The following CSMD1 variants were observed in gnomAD, a reference collection of about 807,000 sequenced individuals.
CSMD1 encodes CUB and sushi domain-containing protein 1.
A neutral mutation model predicts 417.5 loss-of-function variants in CSMD1; 213 were observed. The observed-to-expected ratio is 0.51, with a 90% CI of 0.46 to 0.57. The LOEUF (loss-of-function observed/expected upper bound fraction) is 0.57, where lower values mean the gene tolerates loss of function less well. CSMD1 is among the 20% of genes least tolerant of loss of function. CSMD1 has a pLI of 0.00. For missense variants in CSMD1, 6,923 were observed against 4,529.7 expected, an observed-to-expected ratio of 1.53 and a Z score of -15.17; for synonymous variants, 2,862 against 1,736.8, an observed-to-expected ratio of 1.65 and a Z score of -16.11.
intron 3 of CSMD1, among the ~76,000 whole-genome samples, chr8:4,049,284 T>C (rs573973035): frequency 2.6e-5 from 4 of 152,114 alleles, no homozygotes; most frequent in East Asian, 1.9e-4. Context: ...GCTGTGGAGA[T>C]TGTCTGGCTG....
intron 25 of CSMD1, among the ~76,000 whole-genome samples, chr8:3,288,612 G>C (rs1236928163): frequency 6.8e-6 from 1 of 146,976 alleles, no homozygotes; most frequent in African/African-American, 2.7e-5. Flanking sequence ...ATTCTCTGAT[G>C]GTAGTTTGTA....
intron 5 of CSMD1, among the ~76,000 whole-genome samples, chr8:3,767,879 T>C (rs77725668): frequency 0.019 from 2,885 of 152,302 alleles, 29 homozygotes; most frequent in African/African-American, 0.034. Flanking sequence ...TTTATTTATA[T>C]ATCATGGTAA....
chr8:4,978,122 A>G (rs1416907008), intron 1 of CSMD1, among the ~76,000 whole-genome samples: 3 of 152,154 alleles, frequency 2.0e-5, no homozygotes, highest in African/African-American at 7.2e-5. Flanking sequence ...GCCTATTCCA[A>G]AGGTCTCAGT....
chr8:3,883,383 A>G (rs1806335354), intron 5 of CSMD1, among the ~76,000 whole-genome samples: 1 of 152,076 alleles, frequency 6.6e-6, no homozygotes, highest in African/African-American at 2.4e-5. Flanking sequence ...TCGATTTCTC[A>G]TAGTTTTAAA....
intron 1 of CSMD1, among the ~76,000 whole-genome samples, chr8:4,641,894 A>G (rs780044799): frequency 2.0e-5 from 3 of 152,244 alleles, no homozygotes; most frequent in Non-Finnish European, 2.9e-5. Context: ...AAACATAAAC[A>G]TCACTCATAG....
At chr8:4,143,854 C>T (rs1309385551) in intron 3 of CSMD1, among the ~76,000 whole-genome samples, 2 of 151,006 alleles carry the variant, frequency 1.3e-5, no homozygotes, top group African/African-American at 5.0e-5. Context: ...ATTTTGAGGT[C>T]CCTCTCAGTT....
intron 1 of CSMD1, among the ~76,000 whole-genome samples, chr8:4,722,095 G>C (rs957978028): frequency 6.6e-6 from 1 of 152,004 alleles, no homozygotes; most frequent in African/African-American, 2.4e-5. Flanking sequence ...CTAATATATA[G>C]CATGAAAACT....
chr8:3,279,891 T>A (rs1046929726), intron 26 of CSMD1, among the ~76,000 whole-genome samples: 1 of 152,156 alleles, frequency 6.6e-6, no homozygotes, highest in African/African-American at 2.4e-5. Context: ...CTCCACCTGG[T>A]CCCACCCTTG....
At chr8:3,471,401 C>T (rs546620502) in intron 11 of CSMD1, among the ~76,000 whole-genome samples, 1 of 152,260 alleles carries the variant, frequency 6.6e-6, no homozygotes, top group Admixed American at 6.5e-5. Context: ...AATTTTGGTT[C>T]CACATGCAAT....
rs982710318 is a variant in CSMD1, at chr8:3,406,280, T to A, written c.2072-59A>T. 28 of 1,381,290 alleles carry A rather than the reference T, an allele frequency of 2.0e-5. No individual in the cohort carries two copies. The Admixed American group carries it at 7.1e-4, about 35-fold the overall frequency. The allele number at this position is 1,381,290 out of a possible 1,614,324, so 85.6% of individuals were successfully genotyped here. On this transcript the variant is annotated intron_variant, in intron 14 of 69. Transcript: ENST00000635120. ...AATACTTGAGTATTAATTACATGTATTAAAAAAGAAGAAAACAGAACAAGC... is the reference window on the plus strand; with the variant it reads ...AATACTTGAGTATTAATTACATGTAATAAAAAAGAAGAAAACAGAACAAGC...
At chr8:4,195,998 T>A (rs964524377) in intron 3 of CSMD1, among the ~76,000 whole-genome samples, 28 of 151,692 alleles carry the variant, frequency 1.8e-4, no homozygotes, top group Non-Finnish European at 4.4e-5. Flanking sequence ...GATCATGAGG[T>A]CATGCGATCG....
chr8:4,442,071 CAG>C lies in CSMD1; in HGVS notation c.303-22008_303-22007del, dbSNP rs546429028. On this transcript the variant is annotated intron_variant, in intron 2 of 69. Transcript: ENST00000635120. Reference sequence around the variant, plus strand: ...AAACCCATTTTGTTTCAAAACTGCTCAGAGTTTGAGTTGTAGAAACACGTGAC... The same window carrying C: ...AAACCCATTTTGTTTCAAAACTGCTCAGTTTGAGTTGTAGAAACACGTGAC... Among the ~76,000 whole-genome samples, 365 of 152,260 alleles carry C rather than the reference CAG, an allele frequency of 2.4e-3. 3 individuals carry two copies. Among genetic ancestry groups the C allele is most frequent in the Non-Finnish European group, 3.9e-3 (264 of 68,020 alleles).
intron 3 of CSMD1, among the ~76,000 whole-genome samples, chr8:4,074,991 C>G (rs1799747465): frequency 6.6e-6 from 1 of 152,060 alleles, no homozygotes; most frequent in South Asian, 2.1e-4. Context: ...GATATGAACT[C>G]TACAAATGGG....
intron 3 of CSMD1, among the ~76,000 whole-genome samples, chr8:4,251,028 A>G (rs1362607069): frequency 1.3e-5 from 2 of 152,200 alleles, no homozygotes; most frequent in Admixed American, 6.5e-5. Flanking sequence ...ATATTTTTAG[A>G]TACTGGACAC....
rs892391926 is a variant in CSMD1 at position 4,546,203 on chromosome 8, G to A, written c.302+91139C>T. Among the ~76,000 whole-genome samples, 9 of 152,146 alleles carry A rather than the reference G, an allele frequency of 5.9e-5. 1 individual carries two copies. The East Asian group carries it at 1.5e-3, about 26-fold the overall frequency. On this transcript the variant is annotated intron_variant, in intron 2 of 69. Coordinates refer to ENST00000635120, the MANE Select transcript of CSMD1 (RefSeq NM_033225.6). ...GTCCTTGTTATATCTACGGGCCTTG[G>A]CCCTGGTCGCACAAGACCACAAGCC...
chr8:4,205,390 T>G (rs1207032783), intron 3 of CSMD1, among the ~76,000 whole-genome samples: 2 of 152,260 alleles, frequency 1.3e-5, no homozygotes, highest in African/African-American at 4.8e-5. Flanking sequence ...TTTTTTAGCC[T>G]TGGCATGTGC....
intron 7 of CSMD1, among the ~76,000 whole-genome samples, chr8:3,673,748 C>A (rs1255394936): frequency 6.6e-6 from 1 of 152,194 alleles, no homozygotes; most frequent in South Asian, 2.1e-4. Flanking sequence ...ACTATTGGAG[C>A]TATTCCCTCA....
intron 41 of CSMD1, among the ~76,000 whole-genome samples, chr8:3,136,298 C>A (rs1034841799): frequency 3.3e-5 from 5 of 150,478 alleles, no homozygotes; most frequent in Non-Finnish European, 7.4e-5. Flanking sequence ...GCTCTGTCAC[C>A]CAGACTGGAG....
chr8:3,402,231 G>A (rs563669024), intron 15 of CSMD1, among the ~76,000 whole-genome samples: 1 of 151,920 alleles, frequency 6.6e-6, no homozygotes, highest in Non-Finnish European at 1.5e-5. Flanking sequence ...TAGGGTACTT[G>A]TGTCTTTTTC....
Sources: allele counts gnomAD v4.1 joint callset (sites outside exome capture counted in the v4.1 genomes callset), GRCh38; gene constraint gnomAD v4.1.1; transcripts MANE v1.5; gene names NCBI Gene and HGNC (gene_info 2026-07-23, HGNC 2026-07-21).